Variants in RIMS2 observed in about 807,000 individuals in gnomAD.
RIMS2 encodes regulating synaptic membrane exocytosis 2, also known as regulating synaptic membrane exocytosis protein 2.
RIMS2 carries 59 observed loss-of-function variants against 174.4 expected under a neutral mutation model. The ratio of observed to expected loss-of-function variants is 0.34; its 90% CI spans 0.27 to 0.42. RIMS2 has a LOEUF of 0.42. Ranked by LOEUF, RIMS2 falls within the 10% of genes least tolerant of loss-of-function variation. RIMS2 has a pLI of 1.00. For missense variants in RIMS2, 1,620 were observed against 1,666.3 expected, an observed-to-expected ratio of 0.97 and a Z score of 0.48; for synonymous variants, 606 against 572.5, an observed-to-expected ratio of 1.06 and a Z score of -0.84.
chr8:103,725,056 T>C (rs527370404), intron 2 of RIMS2, among the ~76,000 whole-genome samples: 1 of 152,148 alleles, frequency 6.6e-6, no homozygotes, highest in Non-Finnish European at 1.5e-5. Context: ...TAACTCCATA[T>C]GTGAACAAAA....
At chr8:103,572,638 G>A (rs768166843) in intron 1 of RIMS2, among the ~76,000 whole-genome samples, 29 of 151,228 alleles carry the variant, frequency 1.9e-4, no homozygotes, top group Non-Finnish European at 2.7e-4. Flanking sequence ...TTTTATTTGC[G>A]TTTCTCCAAT....
chr8:103,954,658 C>G (rs1232296358), intron 14 of RIMS2, among the ~76,000 whole-genome samples: 1 of 152,052 alleles, frequency 6.6e-6, no homozygotes, highest in African/African-American at 2.4e-5. Context: ...CAGGAAAGAT[C>G]TAAAATTTAC....
At chr8:103,839,059 C>T (rs1197161756) in intron 3 of RIMS2, among the ~76,000 whole-genome samples, 2 of 151,772 alleles carry the variant, frequency 1.3e-5, no homozygotes, top group Admixed American at 6.6e-5. Flanking sequence ...GGCGACACTC[C>T]GTCTCAAAAA....
intron 3 of RIMS2, among the ~76,000 whole-genome samples, chr8:103,829,479 A>G (rs1052294836): frequency 6.6e-6 from 1 of 152,208 alleles, no homozygotes; most frequent in Non-Finnish European, 1.5e-5. Flanking sequence ...TCCATCAATA[A>G]TGGACTGGAT....
At chr8:103,647,768 ATTC>A (rs2096369392) in intron 1 of RIMS2, among the ~76,000 whole-genome samples, 1 of 150,966 alleles carries the variant, frequency 6.6e-6, no homozygotes. Context: ...CAGTGGTGAT[ATTC>A]TTCTTATTTC....
intron 4 of RIMS2, among the ~76,000 whole-genome samples, chr8:103,904,272 T>C (rs1161656676): frequency 6.6e-6 from 1 of 152,144 alleles, no homozygotes; most frequent in East Asian, 1.9e-4. Flanking sequence ...TATAGTTTTT[T>C]CCTTTTTATT....
chr8:103,747,209 A>T (rs1031104656), intron 2 of RIMS2, among the ~76,000 whole-genome samples: 1 of 150,752 alleles, frequency 6.6e-6, no homozygotes, highest in Non-Finnish European at 1.5e-5. Context: ...GTCATCTAGC[A>T]TTAGGTATAT....
chr8:103,982,366 A>C (rs1250714965), intron 16 of RIMS2, among the ~76,000 whole-genome samples: 3 of 151,976 alleles, frequency 2.0e-5, no homozygotes, highest in Admixed American at 1.3e-4. Context: ...AAAAATAAAG[A>C]AGGAGAGAAT....
At chr8:103,575,446 A>G (rs2093145719) in intron 1 of RIMS2, among the ~76,000 whole-genome samples, 1 of 152,090 alleles carries the variant, frequency 6.6e-6, no homozygotes, top group African/African-American at 2.4e-5. Context: ...TACTCAGCAG[A>G]AATGAATGCA....
intron 19 of RIMS2, among the ~76,000 whole-genome samples, chr8:104,105,490 T>C (rs1046370655): frequency 2.0e-5 from 3 of 152,170 alleles, no homozygotes; most frequent in African/African-American, 7.2e-5. Flanking sequence ...TTCAGGGTGA[T>C]CATTTCTACT....
chr8:103,832,024 T>C (rs907663866), intron 3 of RIMS2, among the ~76,000 whole-genome samples: 4 of 152,142 alleles, frequency 2.6e-5, no homozygotes, highest in African/African-American at 4.8e-5. Context: ...TGTCTTTTCC[T>C]TTTTTTGTCT....
intron 2 of RIMS2, among the ~76,000 whole-genome samples, chr8:103,748,340 G>A (rs2097846424): frequency 6.6e-6 from 1 of 151,990 alleles, no homozygotes; most frequent in Admixed American, 6.6e-5. Flanking sequence ...AGCTACTTGA[G>A]AGGCTGAGGT....
chr8:103,912,826 A>G, intron 6 of RIMS2, among the ~76,000 whole-genome samples: 1 of 152,118 alleles, frequency 6.6e-6, no homozygotes, highest in Non-Finnish European at 1.5e-5. Flanking sequence ...CCTGAAATGA[A>G]TAAAGAATAT....
intron 3 of RIMS2, among the ~76,000 whole-genome samples, chr8:103,770,814 G>T (rs2098245010): frequency 6.6e-6 from 1 of 151,728 alleles, no homozygotes. Flanking sequence ...TATCAGAATG[G>T]GTTTTATTGC....
chr8:103,834,681 T>TTTCTTTCCTTCC (rs1408603395), intron 3 of RIMS2, among the ~76,000 whole-genome samples: 4 of 42,930 alleles, frequency 9.3e-5, no homozygotes, highest in African/African-American at 4.4e-4. Context: ...GGTCTTTTTC[T>TTTCTTTCCTTCC]TTCTTTCTTT....
chr8:103,992,435 T>TTTTG lies in RIMS2; in HGVS notation c.3044+3034_3044+3037dup, dbSNP rs571241588. Among the ~76,000 whole-genome samples the TTTTG allele has an allele frequency of 7.2e-3, 1,100 of 151,874 alleles. 15 individuals are homozygous for TTTTG. Among genetic ancestry groups the TTTTG allele is most frequent in the African/African-American group, 0.025 (1,027 of 41,342 alleles). On this transcript the variant is annotated intron_variant, in intron 17 of 23. Coordinates refer to ENST00000504942, the Ensembl canonical transcript of RIMS2. ...GCCACCGCGCCTGGCCCATGTAGTTTTTTGTTTGTTTGTTTGTTTGTTTTT... is the reference window on the plus strand; with the variant it reads ...GCCACCGCGCCTGGCCCATGTAGTTTTTTGTTTGTTTGTTTGTTTGTTTGTTTTT...
intron 19 of RIMS2, among the ~76,000 whole-genome samples, chr8:104,060,975 G>T (rs919278129): frequency 1.3e-5 from 2 of 152,128 alleles, no homozygotes; most frequent in Non-Finnish European, 2.9e-5. Flanking sequence ...TTGCTGAGGA[G>T]AGCTTTACTT....
At chr8:103,899,477 T>C (rs946135079) in intron 4 of RIMS2, among the ~76,000 whole-genome samples, 1 of 151,862 alleles carries the variant, frequency 6.6e-6, no homozygotes, top group East Asian at 1.9e-4. Context: ...TGGCCAGTGA[T>C]GATGAGCATT....
chr8:103,997,571 A>G (rs906840413), intron 17 of RIMS2, among the ~76,000 whole-genome samples: 1 of 151,784 alleles, frequency 6.6e-6, no homozygotes. Context: ...TATGGTAGTT[A>G]TGAGGCATGA....
Sources: gnomAD v4.1 joint callset for allele counts (sites outside exome capture counted in the v4.1 genomes callset) on GRCh38, gnomAD v4.1.1 for gene constraint, MANE v1.5 for transcripts, NCBI Gene and HGNC (gene_info 2026-07-23, HGNC 2026-07-21) for gene names.